The following NRXN1 variants were observed in gnomAD, a reference collection of about 807,000 sequenced individuals.
The protein encoded by NRXN1 is neurexin-1.
Under a neutral mutation model 150.9 loss-of-function variants are expected in NRXN1, and 39 were observed. That is an observed-to-expected ratio of 0.26 (90% CI 0.20 to 0.34). NRXN1 has a LOEUF of 0.34. Among genes scored for constraint, NRXN1 ranks in the 10% least tolerant of loss-of-function variants. The probability of loss-of-function intolerance (pLI) is 1.00; values close to 1 mark genes in which losing one functional copy is unlikely to be tolerated. For missense variants in NRXN1, 1,815 were observed against 1,949.9 expected, an observed-to-expected ratio of 0.93 and a Z score of 1.30; for synonymous variants, 924 against 757.0, an observed-to-expected ratio of 1.22 and a Z score of -3.62.
chr2:50,371,292 TGTTGCTTAC>T (rs2080008371), intron 17 of NRXN1, among the ~76,000 whole-genome samples: 1 of 152,062 alleles, frequency 6.6e-6, no homozygotes, highest in South Asian at 2.1e-4. Flanking sequence ...CTTAAGAACA[TGTTGCTTAC>T]ACCCAAAGCA....
intron 2 of NRXN1, among the ~76,000 whole-genome samples, chr2:50,981,229 G>C (rs551978123): frequency 1.8e-4 from 27 of 151,890 alleles, no homozygotes; most frequent in African/African-American, 6.3e-4. Context: ...GGCTGAGGTG[G>C]GTGGATCACT....
chr2:50,376,938 C>G (rs1302920449), intron 17 of NRXN1, among the ~76,000 whole-genome samples: 1 of 147,436 alleles, frequency 6.8e-6, no homozygotes, highest in Non-Finnish European at 1.5e-5. Flanking sequence ...AATTCTTTTT[C>G]TTTCTTTCTT....
At chr2:51,025,774 T>C (rs1273695118) in intron 2 of NRXN1, among the ~76,000 whole-genome samples, 1 of 152,188 alleles carries the variant, frequency 6.6e-6, no homozygotes, top group African/African-American at 2.4e-5. Context: ...AAAAAAACTA[T>C]CTTTTTTATT....
At position 50,385,236 on chromosome 2, in the gene NRXN1, T is replaced by C. The variant is rs1409072839; in HGVS notation, c.3364+80206A>G. Among the ~76,000 whole-genome samples, 4 of 152,178 alleles carry C rather than the reference T, an allele frequency of 2.6e-5. No homozygotes were observed. In the East Asian group the frequency reaches 7.7e-4, roughly 29 times the overall value. On this transcript the variant is annotated intron_variant, in intron 17 of 22. Coordinates refer to ENST00000401669, the MANE Select transcript of NRXN1 (RefSeq NM_001330078.2). ...AGAAATGAATCTCCATTGCAGTCTG[T>C]GCATCAATGCATGAGTGAAGGAATG...
intron 21 of NRXN1, among the ~76,000 whole-genome samples, chr2:50,013,916 G>GT (rs1479992559): frequency 6.6e-6 from 1 of 152,124 alleles, no homozygotes; most frequent in Non-Finnish European, 1.5e-5. Context: ...GAAGAGTGGT[G>GT]TAATGACGGA....
chr2:50,500,047 T>C (rs527688866), intron 13 of NRXN1, among the ~76,000 whole-genome samples: 1 of 151,834 alleles, frequency 6.6e-6, no homozygotes, highest in Non-Finnish European at 1.5e-5. Flanking sequence ...CAGTGACCCC[T>C]ACCCTGATCC....
intron 17 of NRXN1, among the ~76,000 whole-genome samples, chr2:50,445,440 A>G (rs932534918): frequency 6.6e-6 from 1 of 152,176 alleles, no homozygotes; most frequent in Non-Finnish European, 1.5e-5. Flanking sequence ...AAGAAAAACA[A>G]TTTACAAGGA....
chr2:50,447,206 G>A (rs2086493477), intron 17 of NRXN1, among the ~76,000 whole-genome samples: 1 of 151,952 alleles, frequency 6.6e-6, no homozygotes, highest in Non-Finnish European at 1.5e-5. Context: ...GGGCATGGTG[G>A]CTCATGCCTG....
intron 5 of NRXN1, among the ~76,000 whole-genome samples, chr2:50,689,620 C>T (rs953788819): frequency 1.3e-5 from 2 of 152,050 alleles, no homozygotes; most frequent in Non-Finnish European, 2.9e-5. Flanking sequence ...ATGTGTTGTA[C>T]CACATGATCA....
chr2:50,635,863 C>A lies in NRXN1; in HGVS notation c.833-12248G>T, dbSNP rs371567312. On this transcript the variant is annotated intron_variant, in intron 5 of 22. Transcript: ENST00000401669. ...GTTAACTGGCCAGTTTAGGGAGGTT[C>A]CATTTACAATGAAGGCTACTTAAAT... Among the ~76,000 whole-genome samples the A allele has an allele frequency of 2.5e-4, 38 of 152,166 alleles. No homozygotes were observed. The East Asian group carries it at 4.3e-3, about 17-fold the overall frequency.
intron 17 of NRXN1, among the ~76,000 whole-genome samples, chr2:50,270,250 T>C (rs1215403811): frequency 6.6e-6 from 1 of 152,156 alleles, no homozygotes; most frequent in South Asian, 2.1e-4. Context: ...TTACTAAAAT[T>C]CAACCTACCA....
intron 3 of NRXN1, among the ~76,000 whole-genome samples, chr2:50,924,349 A>G (rs1180534004): frequency 6.6e-6 from 1 of 151,378 alleles, no homozygotes; most frequent in Non-Finnish European, 1.5e-5. Context: ...ACTTTATTAC[A>G]ATAGCTTATG....
intron 5 of NRXN1, among the ~76,000 whole-genome samples, chr2:50,799,403 G>A (rs1000748096): frequency 2.5e-4 from 38 of 152,168 alleles, no homozygotes; most frequent in African/African-American, 8.9e-4. Context: ...GAGCCACAAA[G>A]TAGAGAGTCA....
intron 17 of NRXN1, among the ~76,000 whole-genome samples, chr2:50,317,387 T>C (rs1409154243): frequency 6.6e-6 from 1 of 151,882 alleles, no homozygotes; most frequent in African/African-American, 2.4e-5. Context: ...AATGAAACAG[T>C]AGTTAGAAAT....
chr2:50,802,017 G>T (rs1707665133), intron 5 of NRXN1, among the ~76,000 whole-genome samples: 1 of 151,966 alleles, frequency 6.6e-6, no homozygotes, highest in African/African-American at 2.4e-5. Context: ...TCCTCTTTGA[G>T]ATTTTGATAG....
Position 49,921,060 on chromosome 2 carries a change from A to ATACTT in NRXN1, c.*879_*883dup, listed in dbSNP as rs1668116314. On this transcript the variant is annotated 3_prime_UTR_variant, in exon 23 of 23. Coordinates refer to ENST00000401669, the MANE Select transcript of NRXN1 (RefSeq NM_001330078.2). Reference sequence around the variant, plus strand: ...TTGCTCTGATGTCATAAAACTCCCTATACTTAGCAACACTTATAACATTGA... The same window carrying ATACTT: ...TTGCTCTGATGTCATAAAACTCCCTATACTTTACTTAGCAACACTTATAACATTGA... 6.6e-6 allele frequency: 1 copy of ATACTT among 152,614 alleles called. No homozygotes were observed. The highest frequency in any genetic ancestry group is 1.5e-5 in the Non-Finnish European group (1 of 68,038). 9.5% of individuals were successfully genotyped at this position (152,614 alleles called of 1,614,324 possible). A position where few individuals can be genotyped will look rare whatever the true frequency, so the allele number is the denominator to read the frequency against.
intron 21 of NRXN1, among the ~76,000 whole-genome samples, chr2:50,032,746 T>C (rs1047719871): frequency 1.8e-4 from 27 of 151,844 alleles, no homozygotes; most frequent in Admixed American, 2.6e-4. Context: ...ACCAGAGCTC[T>C]TTTTCCCTGT....
intron 5 of NRXN1, among the ~76,000 whole-genome samples, chr2:50,745,626 T>C (rs966937043): frequency 2.6e-5 from 4 of 152,054 alleles, no homozygotes; most frequent in Admixed American, 6.6e-5. Flanking sequence ...GTTTAATTGA[T>C]TCACAGATCA....
At position 50,303,790 on chromosome 2, in the gene NRXN1, T is replaced by C. The variant is rs565954230; in HGVS notation, c.3365-66820A>G. 3.9e-5 allele frequency among the ~76,000 whole-genome samples: 6 copies of C among 152,242 alleles called. No homozygotes were observed. The East Asian group carries it at 1.2e-3, about 29-fold the overall frequency. On this transcript the variant is annotated intron_variant, in intron 17 of 22. Coordinates refer to ENST00000401669, the MANE Select transcript of NRXN1 (RefSeq NM_001330078.2). The stretch of plus-strand genomic sequence containing the variant: ...TTACAAAAGTTAGGTAAAAACAATT[T>C]CCATTTACATTTTTTCTACTTACTA...
Sources: gnomAD v4.1 joint callset for allele counts (sites outside exome capture counted in the v4.1 genomes callset) on GRCh38, gnomAD v4.1.1 for gene constraint, MANE v1.5 for transcripts, NCBI Gene and HGNC (gene_info 2026-07-23, HGNC 2026-07-21) for gene names.